Variants in DLG2 observed in about 807,000 individuals in gnomAD.
DLG2 encodes the protein discs large MAGUK scaffold protein 2.
Under a neutral mutation model 132.5 loss-of-function variants are expected in DLG2, and 45 were observed. The ratio of observed to expected loss-of-function variants is 0.34; its 90% CI spans 0.27 to 0.44. The LOEUF is 0.44. Ranked by LOEUF, DLG2 falls within the 20% of genes least tolerant of loss-of-function variation. DLG2 has a pLI of 1.00. For missense variants in DLG2, 1,045 were observed against 1,196.9 expected, an observed-to-expected ratio of 0.87 and a Z score of 1.87; for synonymous variants, 424 against 419.6, an observed-to-expected ratio of 1.01 and a Z score of -0.13.
chr11:83,701,684 T>C (rs1040072738), intron 18 of DLG2, among the ~76,000 whole-genome samples: 2 of 152,214 alleles, frequency 1.3e-5, no homozygotes, highest in Non-Finnish European at 1.5e-5. Context: ...AAGATGATAC[T>C]TAATGAAAGG....
At chr11:83,844,801 GA>G (rs1595324492) in intron 16 of DLG2, among the ~76,000 whole-genome samples, 2 of 152,092 alleles carry the variant, frequency 1.3e-5, no homozygotes, top group Non-Finnish European at 2.9e-5. Flanking sequence ...TAACGTATGA[GA>G]TGGGCTCATC....
intron 5 of DLG2, among the ~76,000 whole-genome samples, chr11:85,117,539 T>A (rs79258947): frequency 6.6e-6 from 1 of 151,208 alleles, no homozygotes; most frequent in Admixed American, 6.6e-5. Context: ...ACTTTCCTTG[T>A]CTCCTTTTCT....
chr11:84,604,342 C>T (rs774602660), intron 6 of DLG2, among the ~76,000 whole-genome samples: 2 of 151,682 alleles, frequency 1.3e-5, no homozygotes, highest in Non-Finnish European at 2.9e-5. Flanking sequence ...GAAAGTTCAG[C>T]GTGTACAAAT....
At chr11:83,957,025 C>T (rs960760917) in intron 14 of DLG2, among the ~76,000 whole-genome samples, 6 of 152,144 alleles carry the variant, frequency 3.9e-5, no homozygotes, top group Non-Finnish European at 5.9e-5. Context: ...AGAAAAATAA[C>T]GTAGTTTGTA....
At chr11:84,663,523 T>C (rs747776576) in intron 6 of DLG2, among the ~76,000 whole-genome samples, 1 of 152,120 alleles carries the variant, frequency 6.6e-6, no homozygotes, top group African/African-American at 2.4e-5. Context: ...CAAATATTTG[T>C]TGAAAAATGC....
chr11:84,916,228 A>G (rs1355182592), intron 6 of DLG2, among the ~76,000 whole-genome samples: 1 of 150,282 alleles, frequency 6.7e-6, no homozygotes, highest in African/African-American at 2.4e-5. Flanking sequence ...GGGCGCCTGT[A>G]GTCCCAGCTA....
chr11:84,864,625 C>T (rs780986437), intron 6 of DLG2, among the ~76,000 whole-genome samples: 12 of 152,102 alleles, frequency 7.9e-5, no homozygotes, highest in East Asian at 3.9e-4. Flanking sequence ...GAACAATGTT[C>T]GATCCACTTC....
intron 18 of DLG2, among the ~76,000 whole-genome samples, chr11:83,773,801 C>T (rs1454804468): frequency 1.3e-5 from 2 of 152,340 alleles, no homozygotes; most frequent in Non-Finnish European, 1.5e-5. Flanking sequence ...GGGTGCTCCT[C>T]TAGGCACTTC....
chr11:85,335,236 C>T (rs2082044338), intron 3 of DLG2, among the ~76,000 whole-genome samples: 1 of 75,648 alleles, frequency 1.3e-5, no homozygotes, highest in Non-Finnish European at 3.3e-5. Context: ...ATAACAGCAT[C>T]TCTGCTTTTT....
intron 16 of DLG2, among the ~76,000 whole-genome samples, chr11:83,861,399 A>AATCAG (rs2061433049): frequency 1.3e-5 from 2 of 152,216 alleles, no homozygotes; most frequent in African/African-American, 4.8e-5. Context: ...AAAGAAAAGA[A>AATCAG]ATCAGCATAT....
intron 18 of DLG2, among the ~76,000 whole-genome samples, chr11:83,700,907 G>C (rs2082816265): frequency 6.6e-6 from 1 of 152,180 alleles, no homozygotes; most frequent in Non-Finnish European, 1.5e-5. Flanking sequence ...TGCTCTAGTA[G>C]TGCCTGCTTT....
chr11:84,120,868 C>T lies in DLG2; in HGVS notation c.625-21821G>A, dbSNP rs193239926. Among the ~76,000 whole-genome samples the T allele has an allele frequency of 2.6e-5, 4 of 152,242 alleles. No individual in the cohort carries two copies. The East Asian group carries it at 5.8e-4, about 22-fold the overall frequency. On this transcript the variant is annotated intron_variant, in intron 9 of 27. Transcript: ENST00000376104. Reference sequence around the variant, plus strand: ...AACTTATATTATGTATGTATTCTTTCGAATAACTATATCCTTACATTCAGT... The same window carrying T: ...AACTTATATTATGTATGTATTCTTTTGAATAACTATATCCTTACATTCAGT...
chr11:84,004,138 A>G (rs2094473776), intron 11 of DLG2, among the ~76,000 whole-genome samples: 1 of 152,090 alleles, frequency 6.6e-6, no homozygotes, highest in Non-Finnish European at 1.5e-5. Context: ...ACAAAATAAG[A>G]AAACTATACA....
intron 18 of DLG2, among the ~76,000 whole-genome samples, chr11:83,752,581 G>C (rs1228921939): frequency 6.6e-6 from 1 of 152,194 alleles, no homozygotes; most frequent in Admixed American, 6.5e-5. Context: ...ATGAACGCCA[G>C]ATAGAGTGGG....
At chr11:84,067,417 C>A (rs1211093795) in intron 10 of DLG2, among the ~76,000 whole-genome samples, 3 of 152,002 alleles carry the variant, frequency 2.0e-5, no homozygotes, top group South Asian at 2.1e-4. Context: ...ATAATGAAAA[C>A]AGAAGTTATG....
At chr11:85,292,356 G>A (rs917020307) in intron 3 of DLG2, among the ~76,000 whole-genome samples, 1 of 151,860 alleles carries the variant, frequency 6.6e-6, no homozygotes, top group Admixed American at 6.6e-5. Context: ...TGAATGTGAG[G>A]AAGGGACTGA....
intron 3 of DLG2, among the ~76,000 whole-genome samples, chr11:85,457,164 T>C (rs1176208491): frequency 1.3e-5 from 2 of 148,200 alleles, no homozygotes; most frequent in Non-Finnish European, 3.0e-5. Flanking sequence ...ACTTTTGCAT[T>C]ATGTAATGCC....
At chr11:84,476,756 T>C (rs968107948) in intron 7 of DLG2, among the ~76,000 whole-genome samples, 1 of 152,192 alleles carries the variant, frequency 6.6e-6, no homozygotes, top group African/African-American at 2.4e-5. Context: ...CAGACTATAG[T>C]CCTAGTAAAG....
intron 7 of DLG2, among the ~76,000 whole-genome samples, chr11:84,403,759 G>C (rs1169599487): frequency 1.3e-5 from 2 of 152,122 alleles, no homozygotes; most frequent in Admixed American, 1.3e-4. Context: ...ACTTTAGCCA[G>C]AATTATTGAC....
Sources: allele counts gnomAD v4.1 joint callset (sites outside exome capture counted in the v4.1 genomes callset), GRCh38; gene constraint gnomAD v4.1.1; transcripts MANE v1.5; gene names NCBI Gene and HGNC (gene_info 2026-07-23, HGNC 2026-07-21).